Variants in PRKD3 observed in about 807,000 individuals in gnomAD.
The protein encoded by PRKD3 is serine/threonine-protein kinase D3.
PRKD3 carries 47 observed loss-of-function variants against 99.2 expected under a neutral mutation model. The ratio of observed to expected loss-of-function variants is 0.47; its 90% CI spans 0.38 to 0.60. The LOEUF is 0.60. PRKD3 is among the 20% of genes least tolerant of loss of function. PRKD3 has a pLI of 0.00. For missense variants in PRKD3, 1,019 were observed against 1,088.4 expected, an observed-to-expected ratio of 0.94 and a Z score of 0.90; for synonymous variants, 392 against 355.4, an observed-to-expected ratio of 1.10 and a Z score of -1.16.
At position 37,277,853 on chromosome 2, in the gene PRKD3, TTTGATTACTGACC is replaced by T; in HGVS notation, c.1296_1296+12del. Reference sequence around the variant, plus strand: ...AGTCTTACTAGCATATTCAAATGTATTTGATTACTGACCAGGTTATCCCTGCTGGTGTAATGGA... The same window carrying T: ...AGTCTTACTAGCATATTCAAATGTATAGGTTATCCCTGCTGGTGTAATGGA... On this transcript the variant is annotated splice_donor_variant and splice_donor_5th_base_variant and coding_sequence_variant and intron_variant, in exon 9 of 19. Coordinates refer to ENST00000234179, the MANE Select transcript of PRKD3 (RefSeq NM_005813.6). LOFTEE classifies it high-confidence loss of function. The T allele has an allele frequency of 6.2e-7, 1 of 1,609,212 alleles. No individual in the cohort carries two copies. The highest frequency in any genetic ancestry group is 8.5e-7 in the Non-Finnish European group (1 of 1,178,314).
chr2:37,302,724 A>T (rs1670990041), intron 2 of PRKD3, among the ~76,000 whole-genome samples: 2 of 151,762 alleles, frequency 1.3e-5, no homozygotes, highest in Non-Finnish European at 2.9e-5. Flanking sequence ...ATGAACTTTT[A>T]ATTTTTTTTT....
intron 14 of PRKD3, among the ~76,000 whole-genome samples, chr2:37,263,571 G>A (rs187678737): frequency 6.6e-6 from 1 of 152,078 alleles, no homozygotes; most frequent in Non-Finnish European, 1.5e-5. Flanking sequence ...GTGTTATTTG[G>A]TGTAGTATGA....
chr2:37,295,442 A>G (rs1319753639), intron 2 of PRKD3, among the ~76,000 whole-genome samples: 1 of 152,158 alleles, frequency 6.6e-6, no homozygotes, highest in African/African-American at 2.4e-5. Flanking sequence ...TACAAGGTAA[A>G]TGGAAGACGG....
chr2:37,253,256 T>C lies in PRKD3; in HGVS notation c.2594A>G (p.His865Arg), dbSNP rs746067667. 1 of 1,612,946 alleles carries C rather than the reference T, an allele frequency of 6.2e-7. No homozygotes were observed. The change falls in exon 19 of 19, where the codon CAT becomes CGT. Residue 865 changes from histidine to arginine, a missense_variant. His to Arg is a conservative substitution (Grantham distance 29, BLOSUM62 0). Coordinates refer to ENST00000234179, the MANE Select transcript of PRKD3 (RefSeq NM_005813.6). ...HESDDARWEI[H>R]AYTHNLVYPK... Reference sequence around the variant, plus strand: ...GTATACAAGGTTATGTGTGTATGCATGTATTTCCCAGCGAGCATCATCACT... The same window carrying C: ...GTATACAAGGTTATGTGTGTATGCACGTATTTCCCAGCGAGCATCATCACT...
intron 16 of PRKD3, among the ~76,000 whole-genome samples, chr2:37,258,073 A>G (rs989664748): frequency 6.6e-6 from 1 of 152,216 alleles, no homozygotes; most frequent in African/African-American, 2.4e-5. Context: ...ATGCTGAACA[A>G]GCAAATGCCA....
At chr2:37,259,306 G>A (rs1294680374) in intron 16 of PRKD3, among the ~76,000 whole-genome samples, 1 of 152,166 alleles carries the variant, frequency 6.6e-6, no homozygotes, top group East Asian at 1.9e-4. Context: ...ACCAACCAAG[G>A]TTGATACTTG....
rs149312358 is a variant in PRKD3 at position 37,263,095 on chromosome 2, T to C, written c.1885-2711A>G. Among the ~76,000 whole-genome samples the C allele has an allele frequency of 3.2e-4, 49 of 152,304 alleles. No individual in the cohort carries two copies. In the East Asian group the frequency reaches 9.1e-3, roughly 28 times the overall value. On this transcript the variant is annotated intron_variant, in intron 14 of 18. Coordinates refer to ENST00000234179, the MANE Select transcript of PRKD3 (RefSeq NM_005813.6). Reference sequence around the variant, plus strand: ...TTCTGCTTTCTTTAGGTTTATTTTATTGTTCATTCTTCAACTCCTTGAGTT... The same window carrying C: ...TTCTGCTTTCTTTAGGTTTATTTTACTGTTCATTCTTCAACTCCTTGAGTT...
intron 2 of PRKD3, among the ~76,000 whole-genome samples, chr2:37,308,022 T>G (rs1671238424): frequency 6.6e-6 from 1 of 152,258 alleles, no homozygotes; most frequent in African/African-American, 2.4e-5. Flanking sequence ...CAATTTCATT[T>G]TCCCCCAACT....
chr2:37,314,046 A>G (rs1671558453), intron 2 of PRKD3, among the ~76,000 whole-genome samples: 1 of 152,204 alleles, frequency 6.6e-6, no homozygotes, highest in African/African-American at 2.4e-5. Context: ...AAAAGAACTG[A>G]TAAAACTGAA....
intron 2 of PRKD3, among the ~76,000 whole-genome samples, chr2:37,293,481 A>G (rs971047762): frequency 6.6e-6 from 1 of 152,238 alleles, no homozygotes; most frequent in African/African-American, 2.4e-5. Context: ...ACTTACAAAT[A>G]AATAATCATT....
chr2:37,253,852 G>A (rs1211249059), intron 18 of PRKD3, among the ~76,000 whole-genome samples: 1 of 152,048 alleles, frequency 6.6e-6, no homozygotes, highest in East Asian at 1.9e-4. Flanking sequence ...AACTTTGGGA[G>A]AATTAAGCCA....
intron 18 of PRKD3, 135 bp downstream of exon 18, chr2:37,254,069 C>G (rs150457435): frequency 7.7e-6 from 5 of 649,400 alleles, no homozygotes; most frequent in Middle Eastern, 4.2e-4. Flanking sequence ...TCCAGAGATT[C>G]AGCCATAGTA....
rs993254727 is a variant in PRKD3 at position 37,324,772 on chromosome 2, T to A, written c.-747A>T. 1.3e-5 allele frequency: 2 copies of A among 150,836 alleles called. No individual in the cohort carries two copies. Among genetic ancestry groups the A allele is most frequent in the Admixed American group, 1.3e-4 (2 of 15,172 alleles). 9.3% of individuals were successfully genotyped at this position (150,836 alleles called of 1,614,324 possible). A position where few individuals can be genotyped will look rare whatever the true frequency, so the allele number is the denominator to read the frequency against. ...GCGAGGCTTCACGCGCCTCGCAGGA[T>A]CCCGCCCGCCTCCGGCGCCCCTTCC... On this transcript the variant is annotated 5_prime_UTR_variant, in exon 1 of 19. Transcript: ENST00000234179.
chr2:37,289,073 A>C (rs1364803279), intron 5 of PRKD3, among the ~76,000 whole-genome samples: 3 of 109,578 alleles, frequency 2.7e-5, no homozygotes, highest in South Asian at 5.2e-4. Context: ...AAAATTAAAA[A>C]AAAAATTAAA....
chr2:37,263,167 G>A (rs933748804), intron 14 of PRKD3, among the ~76,000 whole-genome samples: 2 of 151,906 alleles, frequency 1.3e-5, no homozygotes, highest in African/African-American at 4.8e-5. Context: ...TAATATTTGA[G>A]GTTATAAAGC....
chr2:37,320,527 G>C (rs1364043673), intron 1 of PRKD3, among the ~76,000 whole-genome samples: 3 of 149,088 alleles, frequency 2.0e-5, no homozygotes, highest in African/African-American at 7.4e-5. Flanking sequence ...CGCCTCCCGG[G>C]TTCAAGCGAT....
At chr2:37,280,105 T>G (rs1183919985) in intron 7 of PRKD3, among the ~76,000 whole-genome samples, 176 bp from the exon 8 acceptor site, 2 of 150,770 alleles carry the variant, frequency 1.3e-5, no homozygotes, top group African/African-American at 2.4e-5. Flanking sequence ...CAGGCTGGAG[T>G]GTGATCTCGG....
intron 16 of PRKD3, among the ~76,000 whole-genome samples, chr2:37,257,320 C>T (rs1381809144): frequency 6.6e-6 from 1 of 152,050 alleles, no homozygotes; most frequent in African/African-American, 2.4e-5. Context: ...CCTTAGTGGC[C>T]TCACAGTGCC....
chr2:37,297,595 T>C (rs1364604240), intron 2 of PRKD3, among the ~76,000 whole-genome samples: 3 of 152,232 alleles, frequency 2.0e-5, no homozygotes, highest in African/African-American at 4.8e-5. Flanking sequence ...TTAACTGTTA[T>C]GTCCCCATAG....
Sources: gnomAD v4.1 joint callset for allele counts (sites outside exome capture counted in the v4.1 genomes callset) on GRCh38, gnomAD v4.1.1 for gene constraint, MANE v1.5 for transcripts, NCBI Gene and HGNC (gene_info 2026-07-23, HGNC 2026-07-21) for gene names.